MTUS2: variants seen among roughly 807,000 people sequenced by gnomAD.
MTUS2 encodes microtubule-associated tumor suppressor candidate 2.
Under a neutral mutation model 114.1 loss-of-function variants are expected in MTUS2, and 40 were observed. That is an observed-to-expected ratio of 0.35 (90% confidence interval 0.27 to 0.46). The LOEUF is 0.46. MTUS2 is among the 20% of genes least tolerant of loss of function. The probability of loss-of-function intolerance (pLI) is 1.00; values close to 1 mark genes in which losing one functional copy is unlikely to be tolerated. For synonymous variants in MTUS2, 688 were observed against 672.0 expected (o/e 1.02, Z -0.37); for missense variants, 1,679 against 1,705.4 (o/e 0.98, Z 0.27).
intron 3 of MTUS2, among the ~76,000 whole-genome samples, chr13:29,031,837 C>T (rs1427711168): frequency 6.6e-6 from 1 of 152,012 alleles, no homozygotes; most frequent in Non-Finnish European, 1.5e-5. Context: ...TTAACAAAGC[C>T]TTCACCTGTA....
chr13:29,303,117 A>C (rs1017924187), intron 6 of MTUS2, among the ~76,000 whole-genome samples: 2 of 152,244 alleles, frequency 1.3e-5, no homozygotes, highest in Non-Finnish European at 2.9e-5. Context: ...CAACAACATC[A>C]ACAAAAAAGA....
intron 2 of MTUS2, among the ~76,000 whole-genome samples, chr13:28,866,555 A>G (rs565891004): frequency 8.5e-5 from 13 of 152,334 alleles, no homozygotes; most frequent in Admixed American, 2.6e-4. Flanking sequence ...GTTTTAAGCC[A>G]GGTTTCAGAA....
chr13:28,843,405 CG>C (rs1216237115), intron 2 of MTUS2, among the ~76,000 whole-genome samples: 2 of 152,000 alleles, frequency 1.3e-5, no homozygotes, highest in Non-Finnish European at 2.9e-5. Flanking sequence ...TTGGAAGCAC[CG>C]GGGTCACAAA....
chr13:29,074,096 T>A (rs547766957), intron 4 of MTUS2, among the ~76,000 whole-genome samples: 31 of 152,190 alleles, frequency 2.0e-4, no homozygotes, highest in Non-Finnish European at 4.3e-4. Flanking sequence ...ATCTTCCACA[T>A]AGCAAATCAT....
intron 9 of MTUS2, among the ~76,000 whole-genome samples, chr13:29,468,317 G>A (rs1184099450): frequency 1.3e-5 from 2 of 151,850 alleles, no homozygotes; most frequent in Non-Finnish European, 1.5e-5. Flanking sequence ...AGTGGCTCAC[G>A]CCTGTAATCC....
intron 6 of MTUS2, among the ~76,000 whole-genome samples, chr13:29,290,620 A>G (rs994342892): frequency 2.6e-5 from 4 of 152,010 alleles, no homozygotes; most frequent in African/African-American, 4.8e-5. Flanking sequence ...GTTAACCACC[A>G]CGCCTGGCCA....
At chr13:29,151,715 G>A (rs1217446806) in intron 5 of MTUS2, among the ~76,000 whole-genome samples, 3 of 152,110 alleles carry the variant, frequency 2.0e-5, no homozygotes, top group Non-Finnish European at 2.9e-5. Flanking sequence ...TTTCTTCAAT[G>A]CCTAGTTTGC....
chr13:29,173,636 G>A (rs906294628), intron 5 of MTUS2, among the ~76,000 whole-genome samples: 1 of 152,050 alleles, frequency 6.6e-6, no homozygotes, highest in African/African-American at 2.4e-5. Flanking sequence ...TGAATGATTA[G>A]GGTGGAAATA....
At chr13:29,102,333 C>G (rs974402399) in intron 5 of MTUS2, among the ~76,000 whole-genome samples, 1 of 152,014 alleles carries the variant, frequency 6.6e-6, no homozygotes, top group Admixed American at 6.6e-5. Flanking sequence ...TGATATATAT[C>G]TTTCCAACAA....
intron 2 of MTUS2, among the ~76,000 whole-genome samples, chr13:28,965,599 C>A (rs144820614): frequency 1.8e-4 from 28 of 152,214 alleles, no homozygotes; most frequent in African/African-American, 6.3e-4. Flanking sequence ...ATAACATACA[C>A]ATATATACAT....
intron 5 of MTUS2, among the ~76,000 whole-genome samples, chr13:29,146,864 G>A (rs1892456982): frequency 6.6e-6 from 1 of 152,170 alleles, no homozygotes; most frequent in Non-Finnish European, 1.5e-5. Context: ...TATTTAGAGT[G>A]CCTAGGATGG....
At chr13:28,923,302 G>A (rs570708379) in intron 2 of MTUS2, among the ~76,000 whole-genome samples, 1 of 152,290 alleles carries the variant, frequency 6.6e-6, no homozygotes, top group African/African-American at 2.4e-5. Flanking sequence ...CATTCAAGAT[G>A]TGATTTTTCT....
chr13:28,877,941 C>G (rs558028028), intron 2 of MTUS2, among the ~76,000 whole-genome samples: 3 of 151,990 alleles, frequency 2.0e-5, no homozygotes, highest in African/African-American at 7.2e-5. Context: ...TTATCATATC[C>G]GAAAAATGTG....
At chr13:29,178,870 G>T (rs1893882379) in intron 5 of MTUS2, among the ~76,000 whole-genome samples, 1 of 152,116 alleles carries the variant, frequency 6.6e-6, no homozygotes, top group African/African-American at 2.4e-5. Context: ...GATTTTAGAA[G>T]ATTTAGTAAG....
chr13:29,350,984 T>TATATATATATATA (rs1353617126), intron 7 of MTUS2, among the ~76,000 whole-genome samples: 1 of 137,196 alleles, frequency 7.3e-6, no homozygotes, highest in Non-Finnish European at 1.6e-5. Context: ...TATATATATA[T>TATATATATATATA]CTTCAGAGGA....
intron 5 of MTUS2, among the ~76,000 whole-genome samples, chr13:29,197,654 G>T (rs1343822919): frequency 1.3e-5 from 2 of 151,988 alleles, no homozygotes. Flanking sequence ...CACAATAGTT[G>T]AACTAATTCA....
intron 6 of MTUS2, among the ~76,000 whole-genome samples, chr13:29,301,165 A>G (rs1899188897): frequency 2.0e-5 from 3 of 150,132 alleles, no homozygotes; most frequent in Admixed American, 2.0e-4. Flanking sequence ...CTTGCCCCCC[A>G]CCCCGAACTG....
At chr13:29,191,327 A>G (rs1403813998) in intron 5 of MTUS2, among the ~76,000 whole-genome samples, 1 of 152,044 alleles carries the variant, frequency 6.6e-6, no homozygotes, top group Non-Finnish European at 1.5e-5. Flanking sequence ...TATATATATA[A>G]TTGGTTCACA....
At chr13:29,419,224 C>T (rs1445286846) in intron 8 of MTUS2, among the ~76,000 whole-genome samples, 6 of 152,150 alleles carry the variant, frequency 3.9e-5, no homozygotes, top group African/African-American at 1.2e-4. Context: ...TGCTGGGACT[C>T]GAGTCTCATT....
Sources: allele counts gnomAD v4.1 joint callset (sites outside exome capture counted in the v4.1 genomes callset), GRCh38; gene constraint gnomAD v4.1.1; transcripts MANE v1.5; gene names NCBI Gene and HGNC (gene_info 2026-07-23, HGNC 2026-07-21).